The following CACNA2D1 variants were observed in gnomAD, a reference collection of about 807,000 sequenced individuals.
The protein encoded by CACNA2D1 is calcium voltage-gated channel auxiliary subunit alpha2delta 1, also known as voltage-dependent calcium channel subunit alpha-2/delta-1.
CACNA2D1 carries 53 observed loss-of-function variants against 171.5 expected under a neutral mutation model. The observed-to-expected ratio is 0.31, with a 90% CI of 0.25 to 0.39. CACNA2D1 has a LOEUF of 0.39. Among genes scored for constraint, CACNA2D1 ranks in the 10% least tolerant of loss-of-function variants. The pLI is 1.00. For missense variants in CACNA2D1, 903 were observed against 1,299.8 expected (o/e 0.69, Z 4.69); for synonymous variants, 442 against 443.1 (o/e 1.00, Z 0.03).
intron 1 of CACNA2D1, among the ~76,000 whole-genome samples, chr7:82,360,071 A>G (rs1009906688): frequency 6.6e-6 from 1 of 152,240 alleles, no homozygotes; most frequent in Non-Finnish European, 1.5e-5. Context: ...GAAGCCAAGA[A>G]TGTATAACTC....
intron 1 of CACNA2D1, among the ~76,000 whole-genome samples, chr7:82,403,598 T>A (rs1420271075): frequency 3.3e-5 from 5 of 152,226 alleles, no homozygotes; most frequent in African/African-American, 1.2e-4. Context: ...TTCTCTTTGC[T>A]ACTTACTGAA....
chr7:82,393,318 C>T (rs1483090616), intron 1 of CACNA2D1, among the ~76,000 whole-genome samples: 1 of 152,104 alleles, frequency 6.6e-6, no homozygotes, highest in African/African-American at 2.4e-5. Flanking sequence ...ATACAAAGAA[C>T]AGCAGTAAGC....
intron 3 of CACNA2D1, among the ~76,000 whole-genome samples, chr7:82,275,924 C>T (rs563714638): frequency 8.4e-4 from 128 of 152,248 alleles, no homozygotes; most frequent in African/African-American, 2.9e-3. Context: ...AATATTCCAC[C>T]ATAACGGACA....
chr7:82,325,173 G>A (rs1381020981), intron 3 of CACNA2D1, among the ~76,000 whole-genome samples: 1 of 152,136 alleles, frequency 6.6e-6, no homozygotes, highest in Non-Finnish European at 1.5e-5. Context: ...AATGTAAGTA[G>A]GTGCCTTATA....
In CACNA2D1 at chr7:82,352,381, T is replaced by C. The variant is rs1463746740; in HGVS notation, c.96-2732A>G. ...TCAATCTTTCTCTTTCTTGGTAAAC[T>C]GTCAAGCACAAATATGTAATCGCTA... On this transcript the variant is annotated intron_variant, in intron 1 of 38. Coordinates refer to ENST00000356860, the MANE Select transcript of CACNA2D1 (RefSeq NM_000722.4). Among the ~76,000 whole-genome samples, 3 of 152,208 alleles carry C rather than the reference T, an allele frequency of 2.0e-5. No homozygotes were observed. In the South Asian group the frequency reaches 6.2e-4, roughly 31 times the overall value.
chr7:82,205,530 T>C (rs1364355812), intron 3 of CACNA2D1, among the ~76,000 whole-genome samples: 1 of 147,030 alleles, frequency 6.8e-6, no homozygotes, highest in Non-Finnish European at 1.5e-5. Flanking sequence ...AGGACACAGA[T>C]AAAATAAAGA....
intron 4 of CACNA2D1, among the ~76,000 whole-genome samples, chr7:82,162,387 T>C (rs1464954178): frequency 1.3e-5 from 2 of 151,904 alleles, no homozygotes; most frequent in African/African-American, 4.8e-5. Flanking sequence ...AAAGAGAAGA[T>C]AGCATAAGAA....
chr7:82,325,025 G>A (rs1278184820), intron 3 of CACNA2D1, among the ~76,000 whole-genome samples: 2 of 152,154 alleles, frequency 1.3e-5, no homozygotes, highest in Admixed American at 6.5e-5. Context: ...GCCTTTCGCT[G>A]TCAGCAGAAA....
chr7:82,253,392 T>C (rs562443520), intron 3 of CACNA2D1, among the ~76,000 whole-genome samples: 3 of 152,196 alleles, frequency 2.0e-5, no homozygotes, highest in African/African-American at 7.2e-5. Flanking sequence ...GAAAAGGAGA[T>C]CCATGAAGAG....
intron 26 of CACNA2D1, chr7:81,971,000 G>T: frequency 2.2e-6 from 1 of 454,960 alleles, no homozygotes. Context: ...AAGCAGGAAG[G>T]TATCACTTGT....
Position 81,973,733 on chromosome 7 carries a change from T to G in CACNA2D1, c.2053+722A>C, listed in dbSNP as rs1795537826. Among the ~76,000 whole-genome samples, 6 of 152,140 alleles carry G rather than the reference T, an allele frequency of 3.9e-5. No homozygotes were observed. The South Asian group carries it at 1.2e-3, about 32-fold the overall frequency. On this transcript the variant is annotated intron_variant, in intron 25 of 38. Coordinates refer to ENST00000356860, the MANE Select transcript of CACNA2D1 (RefSeq NM_000722.4). ...CTCTTATTTCCCATTTGTACGGTAT[T>G]TGTTTTGGTAGTGCTTTTATAATAA...
chr7:82,416,685 T>G (rs926772875), intron 1 of CACNA2D1, among the ~76,000 whole-genome samples: 5 of 152,300 alleles, frequency 3.3e-5, no homozygotes, highest in African/African-American at 9.6e-5. Context: ...TCATATTGAA[T>G]TAAGGGCCCA....
chr7:82,288,755 G>A (rs2190524), intron 3 of CACNA2D1, among the ~76,000 whole-genome samples: 51,755 of 152,032 alleles, frequency 0.34, 9,134 homozygotes, highest in Non-Finnish European at 0.39. Context: ...CTATGAGCAT[G>A]CTGGATATCA....
At chr7:81,997,987 C>G (rs990764242) in intron 18 of CACNA2D1, among the ~76,000 whole-genome samples, 1 of 151,742 alleles carries the variant, frequency 6.6e-6, no homozygotes, top group Non-Finnish European at 1.5e-5. Flanking sequence ...AGAAAGAACA[C>G]TGGGGAATAA....
chr7:82,435,030 CTTTTTTTTTTT>C (rs764179836), intron 1 of CACNA2D1, among the ~76,000 whole-genome samples: 1 of 84,344 alleles, frequency 1.2e-5, no homozygotes, highest in Non-Finnish European at 2.2e-5. Flanking sequence ...TCTTCAGATA[CTTTTTTTTTTT>C]TTTTTTTTTT....
intron 1 of CACNA2D1, among the ~76,000 whole-genome samples, chr7:82,431,839 A>T (rs908473813): frequency 3.3e-5 from 5 of 151,864 alleles, no homozygotes; most frequent in Non-Finnish European, 5.9e-5. Context: ...GGTGTTGGAG[A>T]CCAGCCTGGC....
chr7:82,099,424 T>TAAACAGGAAGGTAGGAGTGTGTGTGAA (rs1563046125), intron 6 of CACNA2D1, among the ~76,000 whole-genome samples: 1 of 33,414 alleles, frequency 3.0e-5, no homozygotes, highest in Non-Finnish European at 5.9e-5. Context: ...AATACCTTCT[T>TAAACAGGAAGGTAGGAGTGTGTGTGAA]TTTTTTTTTT....
At chr7:82,374,051 C>T (rs74547603) in intron 1 of CACNA2D1, among the ~76,000 whole-genome samples, 2 of 152,308 alleles carry the variant, frequency 1.3e-5, no homozygotes, top group East Asian at 3.9e-4. Context: ...TGACATGGGT[C>T]AGTCCGCACG....
At chr7:82,035,519 T>C (rs1440254248) in intron 11 of CACNA2D1, among the ~76,000 whole-genome samples, 1 of 152,146 alleles carries the variant, frequency 6.6e-6, no homozygotes, top group Non-Finnish European at 1.5e-5. Context: ...ATTTTAAAAA[T>C]CACTACAATT....
Sources: allele counts gnomAD v4.1 joint callset (sites outside exome capture counted in the v4.1 genomes callset), GRCh38; gene constraint gnomAD v4.1.1; transcripts MANE v1.5; gene names NCBI Gene and HGNC (gene_info 2026-07-23, HGNC 2026-07-21).